Variants in ADAMTS12 observed in about 807,000 individuals in gnomAD.
ADAMTS12 encodes the protein A disintegrin and metalloproteinase with thrombospondin motifs 12.
Under a neutral mutation model 167.8 loss-of-function variants are expected in ADAMTS12, and 118 were observed. That is an observed-to-expected ratio of 0.70 (90% CI 0.61 to 0.82). The LOEUF (loss-of-function observed/expected upper bound fraction) is 0.82. Among genes scored for constraint, ADAMTS12 ranks in the 40% least tolerant of loss-of-function variants. ADAMTS12 has a pLI of 0.00. For missense variants in ADAMTS12, 1,916 were observed against 1,998.8 expected (o/e 0.96, Z 0.79); for synonymous variants, 704 against 716.9 (o/e 0.98, Z 0.29).
At position 33,737,319 on chromosome 5, in the gene ADAMTS12, C is replaced by G. The variant is rs558560111; in HGVS notation, c.634+14085G>C. ...CTTCCCTAATTAAGTTTCCCAATCC[C>G]TTATCTGAAATGCTTGTGAGGCCAG... is the stretch of plus-strand genomic sequence containing the variant. On this transcript the variant is annotated intron_variant, in intron 3 of 23. Coordinates refer to ENST00000504830, the MANE Select transcript of ADAMTS12 (RefSeq NM_030955.4). 3.9e-4 allele frequency among the ~76,000 whole-genome samples: 60 copies of G among 152,330 alleles called. 2 individuals are homozygous for G. Among genetic ancestry groups the G allele is most frequent in the Admixed American group, 2.7e-3 (41 of 15,304 alleles).
chr5:33,891,683 A>G, intron 1 of ADAMTS12, 47 bp downstream of exon 1: 1 of 1,609,790 alleles, frequency 6.2e-7, no homozygotes, highest in Admixed American at 1.7e-5. Flanking sequence ...AATTCCCGCA[A>G]GTCTTACCAC....
chr5:33,812,121 A>G (rs1747484845), intron 2 of ADAMTS12, among the ~76,000 whole-genome samples: 1 of 152,136 alleles, frequency 6.6e-6, no homozygotes, highest in Non-Finnish European at 1.5e-5. Context: ...CCTCGTTTCT[A>G]CAAATTAAAA....
intron 14 of ADAMTS12, among the ~76,000 whole-genome samples, chr5:33,623,231 CTG>C (rs1408168530): frequency 6.6e-6 from 1 of 152,158 alleles, no homozygotes; most frequent in African/African-American, 2.4e-5. Context: ...GGCATCAACC[CTG>C]TGTAGCAGAC....
intron 22 of ADAMTS12, among the ~76,000 whole-genome samples, chr5:33,537,763 G>C (rs1339411143): frequency 6.6e-6 from 1 of 152,224 alleles, no homozygotes; most frequent in Non-Finnish European, 1.5e-5. Context: ...CACAGCATTA[G>C]AGTGGATCAA....
intron 3 of ADAMTS12, among the ~76,000 whole-genome samples, chr5:33,733,706 C>T (rs1014526963): frequency 2.6e-5 from 4 of 152,078 alleles, no homozygotes; most frequent in Non-Finnish European, 5.9e-5. Flanking sequence ...TCCTTGTGAC[C>T]CAGAGTTTCC....
At chr5:33,566,036 T>C (rs1198264200) in intron 19 of ADAMTS12, among the ~76,000 whole-genome samples, 2 of 152,174 alleles carry the variant, frequency 1.3e-5, no homozygotes, top group African/African-American at 4.8e-5. Context: ...AAAATGAATA[T>C]CTGGGTCATC....
At chr5:33,833,176 G>A (rs558793161) in intron 2 of ADAMTS12, among the ~76,000 whole-genome samples, 30 of 152,324 alleles carry the variant, frequency 2.0e-4, no homozygotes, top group African/African-American at 6.7e-4. Flanking sequence ...GCAGAGGGAA[G>A]AAATAAAATT....
chr5:33,633,235 G>GACTTCTTTTTTTTTTTT, intron 12 of ADAMTS12, among the ~76,000 whole-genome samples: 1 of 132,574 alleles, frequency 7.5e-6, no homozygotes, highest in Admixed American at 8.2e-5. Context: ...AACTGGAAAA[G>GACTTCTTTTTTTTTTTT]TCTTCTTTCC....
chr5:33,716,097 G>A (rs1340502825), intron 3 of ADAMTS12, among the ~76,000 whole-genome samples: 1 of 152,078 alleles, frequency 6.6e-6, no homozygotes, highest in Non-Finnish European at 1.5e-5. Context: ...TGAATCCCCA[G>A]TGCAGAGGTG....
rs922998267 is a variant in ADAMTS12 at position 33,722,444 on chromosome 5, T to G, written c.634+28960A>C. On this transcript the variant is annotated intron_variant, in intron 3 of 23. Coordinates refer to ENST00000504830, the MANE Select transcript of ADAMTS12 (RefSeq NM_030955.4). ...ACCCTATAAGGTAGACATTATTATA[T>G]GCCGATTTTACAGCTGAATGTTAGG... Among the ~76,000 whole-genome samples, 26 of 152,326 alleles carry G rather than the reference T, an allele frequency of 1.7e-4. No homozygotes were observed. In the Middle Eastern group the frequency reaches 0.01, roughly 60 times the overall value.
intron 17 of ADAMTS12, among the ~76,000 whole-genome samples, chr5:33,593,543 G>C (rs1361777268): frequency 6.6e-6 from 1 of 152,168 alleles, no homozygotes; most frequent in Admixed American, 6.5e-5. Flanking sequence ...GGAAAATAGT[G>C]CATTCTTAAA....
chr5:33,549,559 G>T (rs1467568533), intron 20 of ADAMTS12, among the ~76,000 whole-genome samples, 176 bp from the exon 21 acceptor site: 1 of 152,220 alleles, frequency 6.6e-6, no homozygotes, highest in African/African-American at 2.4e-5. Context: ...AGCAGCTCCC[G>T]ATGTCGGGAA....
chr5:33,642,472 A>C (rs1740499048), intron 10 of ADAMTS12, among the ~76,000 whole-genome samples: 1 of 152,172 alleles, frequency 6.6e-6, no homozygotes, highest in South Asian at 2.1e-4. Context: ...TTCACTGCCA[A>C]AACACACTAG....
At chr5:33,546,901 T>G (rs924058110) in intron 21 of ADAMTS12, among the ~76,000 whole-genome samples, 15 of 152,322 alleles carry the variant, frequency 9.8e-5, no homozygotes, top group Non-Finnish European at 2.9e-5. Flanking sequence ...TTTAGCATGG[T>G]TACAACGATA....
intron 1 of ADAMTS12, among the ~76,000 whole-genome samples, chr5:33,881,742 T>G (rs1463768659): frequency 2.0e-5 from 3 of 151,296 alleles, no homozygotes; most frequent in Admixed American, 6.6e-5. Context: ...TTGTTTTTTT[T>G]TTTTTTTTTT....
chr5:33,760,602 C>T (rs1745319047), intron 2 of ADAMTS12, among the ~76,000 whole-genome samples: 1 of 152,190 alleles, frequency 6.6e-6, no homozygotes, highest in African/African-American at 2.4e-5. Flanking sequence ...CATTACATCT[C>T]AAACCATGCA....
Position 33,579,529 on chromosome 5 carries a change from T to C in ADAMTS12, c.2866-2369A>G, listed in dbSNP as rs980400401. Among the ~76,000 whole-genome samples, 5 of 150,860 alleles carry C rather than the reference T, an allele frequency of 3.3e-5. 1 individual carries two copies. The highest frequency in any genetic ancestry group is 1.2e-4 in the African/African-American group (5 of 41,056). On this transcript the variant is annotated intron_variant, in intron 18 of 23. Transcript: ENST00000504830. ...GCTAATATCTCTAAAGAAGTTAGCT[T>C]TACTTGTACACTTTTACAAAAAAAT... is the stretch of plus-strand genomic sequence containing the variant.
chr5:33,610,794 C>G (rs1310685229), intron 16 of ADAMTS12, among the ~76,000 whole-genome samples: 2 of 152,162 alleles, frequency 1.3e-5, no homozygotes, highest in Non-Finnish European at 2.9e-5. Context: ...AGACTGGGCA[C>G]AGTGGCTCAT....
chr5:33,856,709 C>G (rs1381562828), intron 2 of ADAMTS12, among the ~76,000 whole-genome samples: 2 of 152,044 alleles, frequency 1.3e-5, no homozygotes, highest in African/African-American at 4.8e-5. Flanking sequence ...AGATATAGCC[C>G]TGCACCTGTC....
Sources: allele counts gnomAD v4.1 joint callset (sites outside exome capture counted in the v4.1 genomes callset), GRCh38; gene constraint gnomAD v4.1.1; transcripts MANE v1.5; gene names NCBI Gene and HGNC (gene_info 2026-07-23, HGNC 2026-07-21).